Variants in ESRRG observed in about 807,000 individuals in gnomAD.
ESRRG encodes the protein estrogen related receptor gamma, also known as estrogen-related receptor gamma.
A neutral mutation model predicts 44.0 loss-of-function variants in ESRRG; 13 were observed. The observed-to-expected ratio is 0.30, with a 90% CI of 0.19 to 0.47. The LOEUF is 0.47. Among genes scored for constraint, ESRRG ranks in the 20% least tolerant of loss-of-function variants. ESRRG has a pLI of 1.00. For synonymous variants in ESRRG, 215 were observed against 214.6 expected (o/e 1.00, Z -0.02); for missense variants, 395 against 580.6 (o/e 0.68, Z 3.29).
chr1:217,019,370 A>G (rs1319220195), intron 1 of ESRRG, among the ~76,000 whole-genome samples: 1 of 152,168 alleles, frequency 6.6e-6, no homozygotes, highest in Non-Finnish European at 1.5e-5. Context: ...TAAAGGCATG[A>G]CTTTCCCACC....
At chr1:216,991,250 G>A (rs1248906630) in intron 1 of ESRRG, among the ~76,000 whole-genome samples, 1 of 152,134 alleles carries the variant, frequency 6.6e-6, no homozygotes, top group Non-Finnish European at 1.5e-5. Context: ...CGCCAAAAAG[G>A]TTGGGGACTG....
chr1:216,745,152 TTTTGTTTGTTTG>T (rs550674868), intron 2 of ESRRG, among the ~76,000 whole-genome samples: 1 of 152,042 alleles, frequency 6.6e-6, no homozygotes, highest in East Asian at 1.9e-4. Context: ...TTTTTTTGTT[TTTTGTTTGTTTG>T]TTTGTTTGTT....
intron 2 of ESRRG, among the ~76,000 whole-genome samples, chr1:216,870,511 T>A (rs1216095452): frequency 6.6e-6 from 1 of 151,998 alleles, no homozygotes; most frequent in East Asian, 1.9e-4. Flanking sequence ...ATTACTCTTC[T>A]GGCCTCGTAA....
upstream of ESRRG, among the ~76,000 whole-genome samples, chr1:217,093,510 C>T (rs1000820097): frequency 2.0e-5 from 3 of 152,082 alleles, no homozygotes; most frequent in Non-Finnish European, 4.4e-5. Flanking sequence ...CTACGGTTTC[C>T]GGTGGCTCAC....
chr1:216,711,434 C>T lies in ESRRG; in HGVS notation c.56+11810G>A, dbSNP rs145237665. On this transcript the variant is annotated intron_variant, in intron 1 of 6. Coordinates refer to ENST00000408911, the MANE Select transcript of ESRRG (RefSeq NM_001438.4). ...AAGCACTAACTAGCATATTAAGGTT[C>T]TCTTAACGAATGAATGTGAGGATGA... 3.3e-5 allele frequency among the ~76,000 whole-genome samples: 5 copies of T among 152,316 alleles called. No homozygotes were observed. In the East Asian group the frequency reaches 9.7e-4, roughly 29 times the overall value.
intron 2 of ESRRG, among the ~76,000 whole-genome samples, chr1:216,784,724 C>T (rs866007799): frequency 6.6e-6 from 1 of 151,906 alleles, no homozygotes; most frequent in Middle Eastern, 3.4e-3. Flanking sequence ...TTCTTCCTTC[C>T]TCCTCCCTTT....
At chr1:216,858,416 G>T (rs2095991473) in intron 2 of ESRRG, among the ~76,000 whole-genome samples, 1 of 151,994 alleles carries the variant, frequency 6.6e-6, no homozygotes, top group Admixed American at 6.6e-5. Flanking sequence ...CAGCCTGGGC[G>T]ACAGAGTGAG....
intron 3 of ESRRG, among the ~76,000 whole-genome samples, chr1:216,580,251 A>G (rs2062498536): frequency 6.6e-6 from 1 of 152,184 alleles, no homozygotes; most frequent in African/African-American, 2.4e-5. Context: ...TAATTCTAAA[A>G]CTGGAATGTA....
chr1:216,961,561 A>ATTTTTTTTTTTTTTTTT (rs35113256), intron 1 of ESRRG, among the ~76,000 whole-genome samples: 1 of 131,970 alleles, frequency 7.6e-6, no homozygotes, highest in African/African-American at 2.8e-5. Context: ...ATTTACTCTT[A>ATTTTTTTTTTTTTTTTT]TTTTTTTTTT....
chr1:217,049,711 C>A (rs927212521), intron 1 of ESRRG, among the ~76,000 whole-genome samples: 3 of 152,186 alleles, frequency 2.0e-5, no homozygotes, highest in Non-Finnish European at 4.4e-5. Context: ...CCCATGGTTG[C>A]GGCCTGAGCT....
intron 5 of ESRRG, among the ~76,000 whole-genome samples, chr1:216,555,684 T>C (rs1337114535): frequency 6.6e-6 from 1 of 152,178 alleles, no homozygotes; most frequent in Non-Finnish European, 1.5e-5. Flanking sequence ...TATATCTCTT[T>C]CCTCTGCTCT....
chr1:216,527,880 A>G (rs1241637340), intron 5 of ESRRG, among the ~76,000 whole-genome samples: 1 of 152,118 alleles, frequency 6.6e-6, no homozygotes, highest in East Asian at 1.9e-4. Context: ...GTGGATGTGA[A>G]GATCTGCTGC....
Position 217,085,221 on chromosome 1 carries a change from C to T in ESRRG, c.-106+4286G>A, listed in dbSNP as rs149593072. On this transcript the variant is annotated intron_variant, in intron 1 of 7. Coordinates refer to the ESRRG transcript ENST00000359162. ...AGAAATTTTTATCAGGAACATACTA[C>T]CAAGAATTTTTGCTTCAAGGTTTGC... Among the ~76,000 whole-genome samples the T allele has an allele frequency of 3.5e-3, 534 of 152,150 alleles. 5 individuals are homozygous for T. Among genetic ancestry groups the T allele is most frequent in the Non-Finnish European group, 5.8e-3 (394 of 68,004 alleles).
At position 216,928,746 on chromosome 1, in the gene ESRRG, G is replaced by A. The variant is rs139399629; in HGVS notation, c.-14+10836C>T. On this transcript the variant is annotated intron_variant, in intron 2 of 7. Coordinates refer to the ESRRG transcript ENST00000359162. ...ACAAATGGAAAAACAAAATGTGGTC[G>A]CTACATACAGTGAATATTATTAAGC... Among the ~76,000 whole-genome samples, 246 of 152,248 alleles carry A rather than the reference G, an allele frequency of 1.6e-3. 4 individuals are homozygous for A. In the South Asian group the frequency reaches 0.03, roughly 19 times the overall value.
intron 1 of ESRRG, among the ~76,000 whole-genome samples, chr1:217,101,124 G>C (rs2092505569): frequency 6.6e-6 from 1 of 152,180 alleles, no homozygotes; most frequent in African/African-American, 2.4e-5. Context: ...TTTCTTGCCA[G>C]GTTCTTTTGG....
chr1:216,525,117 A>C (rs1207033791), intron 5 of ESRRG, among the ~76,000 whole-genome samples: 1 of 152,236 alleles, frequency 6.6e-6, no homozygotes, highest in Non-Finnish European at 1.5e-5. Context: ...AAAAATTTAA[A>C]ATACAATAGC....
intron 5 of ESRRG, among the ~76,000 whole-genome samples, chr1:216,551,652 CA>C (rs574119837): frequency 5.8e-4 from 88 of 152,120 alleles, no homozygotes; most frequent in Non-Finnish European, 1.1e-3. Flanking sequence ...GGATTATTCA[CA>C]AGCTAATTTT....
intron 2 of ESRRG, among the ~76,000 whole-genome samples, chr1:216,660,487 C>G (rs1030253703): frequency 6.6e-6 from 1 of 152,158 alleles, no homozygotes; most frequent in African/African-American, 2.4e-5. Flanking sequence ...GGATTTGAAC[C>G]CAGGCAATCT....
intron 1 of ESRRG, among the ~76,000 whole-genome samples, chr1:217,043,023 C>T (rs1283344463): frequency 1.3e-5 from 2 of 152,132 alleles, no homozygotes; most frequent in Non-Finnish European, 2.9e-5. Flanking sequence ...TGTTAAAATG[C>T]ATTCTCATAA....
Sources: gnomAD v4.1 joint callset for allele counts (sites outside exome capture counted in the v4.1 genomes callset) on GRCh38, gnomAD v4.1.1 for gene constraint, MANE v1.5 for transcripts, NCBI Gene and HGNC (gene_info 2026-07-23, HGNC 2026-07-21) for gene names.